Variants in COG5 observed in about 807,000 individuals in gnomAD.
COG5 encodes conserved oligomeric Golgi complex subunit 5.
Under a neutral mutation model 110.4 loss-of-function variants are expected in COG5, and 86 were observed. That is an observed-to-expected ratio of 0.78 (90% confidence interval 0.65 to 0.93). COG5 has a LOEUF of 0.93. Ranked by LOEUF, COG5 falls within the 40% of genes least tolerant of loss-of-function variation. The pLI is 0.00. For synonymous variants in COG5, 360 were observed against 334.6 expected, an observed-to-expected ratio of 1.08 and a Z score of -0.83; for missense variants, 1,077 against 987.0, an observed-to-expected ratio of 1.09 and a Z score of -1.22.
intron 21 of COG5, chr7:107,210,254 G>A: frequency 7.6e-7 from 1 of 1,315,672 alleles, no homozygotes; most frequent in South Asian, 2.3e-5. Flanking sequence ...ATTTTCAAAG[G>A]TACAAATGCA....
intron 7 of COG5, among the ~76,000 whole-genome samples, chr7:107,409,081 A>G (rs1792079072): frequency 6.6e-6 from 1 of 152,012 alleles, no homozygotes; most frequent in African/African-American, 2.4e-5. Flanking sequence ...AAGCAGATTG[A>G]GATTTTAAAG....
chr7:107,536,711 C>A (rs1801609762), intron 5 of COG5, among the ~76,000 whole-genome samples: 1 of 152,154 alleles, frequency 6.6e-6, no homozygotes, highest in Non-Finnish European at 1.5e-5. Flanking sequence ...AGATTCAATA[C>A]TATTCCCATC....
intron 6 of COG5, among the ~76,000 whole-genome samples, chr7:107,423,618 C>G (rs760554393): frequency 6.6e-6 from 1 of 151,228 alleles, no homozygotes; most frequent in African/African-American, 2.4e-5. Context: ...CTTCAAAACA[C>G]TAGCAAATGT....
At chr7:107,558,980 T>C (rs1424230975) in intron 1 of COG5, among the ~76,000 whole-genome samples, 1 of 147,510 alleles carries the variant, frequency 6.8e-6, no homozygotes, top group Non-Finnish European at 1.5e-5. Flanking sequence ...AACAAGATCA[T>C]TGTCAGTGAA....
At chr7:107,497,782 GA>G (rs932021730) in intron 6 of COG5, among the ~76,000 whole-genome samples, 2 of 150,734 alleles carry the variant, frequency 1.3e-5, no homozygotes, top group Non-Finnish European at 3.0e-5. Context: ...TAGAGAAATA[GA>G]AAAAAAAATC....
chr7:107,543,310 C>T (rs544472587), intron 5 of COG5, among the ~76,000 whole-genome samples: 4 of 152,288 alleles, frequency 2.6e-5, no homozygotes, highest in Non-Finnish European at 4.4e-5. Context: ...CACCAGCCAG[C>T]TAGCAAGGAG....
chr7:107,289,517 T>C (rs1406895460), intron 12 of COG5, among the ~76,000 whole-genome samples: 1 of 152,188 alleles, frequency 6.6e-6, no homozygotes. Context: ...GAAGCACTTG[T>C]TACTTTTTAC....
At chr7:107,383,096 A>G (rs1815267539) in intron 7 of COG5, among the ~76,000 whole-genome samples, 4 of 152,204 alleles carry the variant, frequency 2.6e-5, no homozygotes, top group Admixed American at 2.0e-4. Flanking sequence ...GAGCTAACCA[A>G]AGCCAAGCAC....
intron 5 of COG5, among the ~76,000 whole-genome samples, chr7:107,546,930 T>C (rs1361497255): frequency 1.3e-5 from 2 of 152,188 alleles, no homozygotes; most frequent in Non-Finnish European, 2.9e-5. Context: ...GGCTTTACTG[T>C]TGAATTCTAC....
At chr7:107,321,470 A>G (rs1399852138) in intron 11 of COG5, among the ~76,000 whole-genome samples, 1 of 152,188 alleles carries the variant, frequency 6.6e-6, no homozygotes, top group East Asian at 1.9e-4. Context: ...ACATATGGAA[A>G]TGCAAAAGAC....
At chr7:107,421,786 C>A (rs979556096) in intron 6 of COG5, among the ~76,000 whole-genome samples, 1 of 151,284 alleles carries the variant, frequency 6.6e-6, no homozygotes, top group Non-Finnish European at 1.5e-5. Context: ...AAAAATTGTT[C>A]TTTGATCATA....
intron 10 of COG5, among the ~76,000 whole-genome samples, chr7:107,333,541 T>C (rs1244262158): frequency 6.6e-6 from 1 of 152,154 alleles, no homozygotes; most frequent in Non-Finnish European, 1.5e-5. Context: ...TTTTATAAAA[T>C]AAGAGCTTAG....
At chr7:107,419,254 G>T (rs1793100187) in intron 6 of COG5, among the ~76,000 whole-genome samples, 1 of 151,812 alleles carries the variant, frequency 6.6e-6, no homozygotes, top group Non-Finnish European at 1.5e-5. Context: ...ATAATAATGT[G>T]GGCTTAAAAT....
At chr7:107,387,537 G>C (rs1359023297) in intron 7 of COG5, among the ~76,000 whole-genome samples, 1 of 152,212 alleles carries the variant, frequency 6.6e-6, no homozygotes, top group Non-Finnish European at 1.5e-5. Context: ...GAATTTGATA[G>C]ACCTATTTCT....
intron 16 of COG5, among the ~76,000 whole-genome samples, 172 bp from the exon 17 acceptor site, chr7:107,248,671 A>T (rs1234064963): frequency 6.6e-6 from 1 of 152,202 alleles, no homozygotes; most frequent in Non-Finnish European, 1.5e-5. Flanking sequence ...AATGATTTTT[A>T]AAGCTTAAAA....
intron 6 of COG5, among the ~76,000 whole-genome samples, chr7:107,418,684 A>G (rs1317279637): frequency 6.6e-6 from 1 of 151,174 alleles, no homozygotes; most frequent in Admixed American, 6.6e-5. Context: ...ATGTCATCCA[A>G]AACTCCAAGG....
intron 6 of COG5, among the ~76,000 whole-genome samples, chr7:107,487,680 A>C (rs78876682): frequency 1.3e-5 from 2 of 152,136 alleles, no homozygotes; most frequent in Non-Finnish European, 2.9e-5. Context: ...ACAACTGTGC[A>C]AAGATGTATG....
chr7:107,411,567 G>A (rs1412034452), intron 7 of COG5, among the ~76,000 whole-genome samples: 6 of 152,016 alleles, frequency 3.9e-5, no homozygotes, highest in Admixed American at 3.9e-4. Context: ...GATTTCACAG[G>A]TATGTTCACA....
At chr7:107,249,584 A>T (rs1057310654) in intron 16 of COG5, among the ~76,000 whole-genome samples, 4 of 152,076 alleles carry the variant, frequency 2.6e-5, no homozygotes, top group African/African-American at 9.7e-5. Context: ...GGCTCATACA[A>T]ATGATCAAAA....
Sources: allele counts gnomAD v4.1 joint callset (sites outside exome capture counted in the v4.1 genomes callset), GRCh38; gene constraint gnomAD v4.1.1; transcripts MANE v1.5; gene names NCBI Gene and HGNC (gene_info 2026-07-23, HGNC 2026-07-21).